The following SFXN4 variants were observed in gnomAD, a reference collection of about 807,000 sequenced individuals.
The protein encoded by SFXN4 is sideroflexin 4.
In SFXN4, 48 loss-of-function variants were observed where a neutral mutation model predicts 54.6. That is an observed-to-expected ratio of 0.88 (90% CI 0.70 to 1.12). SFXN4 has a LOEUF of 1.12. Ranked by LOEUF, SFXN4 falls within the 50% of genes most tolerant of loss-of-function variation. The pLI is 0.00. For missense variants in SFXN4, 383 were observed against 409.2 expected (o/e 0.94, Z 0.55); for synonymous variants, 130 against 145.5 (o/e 0.89, Z 0.77).
chr10:119,144,164 C>T (rs769626990), intron 13 of SFXN4, among the ~76,000 whole-genome samples: 6 of 152,230 alleles, frequency 3.9e-5, no homozygotes, highest in East Asian at 1.9e-4. Flanking sequence ...AGCCAAGAAA[C>T]TGCTAGTATC....
chr10:119,157,041 C>T (rs1322972222), intron 9 of SFXN4, among the ~76,000 whole-genome samples: 1 of 152,192 alleles, frequency 6.6e-6, no homozygotes, highest in Non-Finnish European at 1.5e-5. Context: ...AACATCTCCC[C>T]ATCTTTCACC....
At chr10:119,162,313 A>G (rs763581277) in intron 3 of SFXN4, 27 bp downstream of exon 3, 1 of 1,608,344 alleles carries the variant, frequency 6.2e-7, no homozygotes, top group Non-Finnish European at 8.5e-7. Context: ...GAGGGCAACC[A>G]GCCAGACCTG....
At chr10:119,145,311 ATTTTTTTT>A (rs1223685344) in intron 13 of SFXN4, among the ~76,000 whole-genome samples, 2 of 68,098 alleles carry the variant, frequency 2.9e-5, no homozygotes, top group Non-Finnish European at 7.0e-5. Context: ...TTTTCTTATG[ATTTTTTTT>A]TTTTTTTTTT....
At chr10:119,159,544 G>C (rs886385250) in intron 6 of SFXN4, among the ~76,000 whole-genome samples, 184 bp downstream of exon 6, 1 of 81,784 alleles carries the variant, frequency 1.2e-5, no homozygotes, top group South Asian at 5.0e-4. Flanking sequence ...GTGTGGGGAG[G>C]GGGAGGGAGT....
At chr10:119,147,511 A>T (rs1279180091) in intron 12 of SFXN4, among the ~76,000 whole-genome samples, 1 of 152,172 alleles carries the variant, frequency 6.6e-6, no homozygotes, top group Non-Finnish European at 1.5e-5. Flanking sequence ...GAGGTGAGGA[A>T]ATGGCCGTGG....
rs138770600 is a variant in SFXN4, at chr10:119,153,999, G to A, written c.732+1063C>T. 5.5e-3 allele frequency among the ~76,000 whole-genome samples: 841 copies of A among 152,182 alleles called. 8 individuals are homozygous for A. The highest frequency in any genetic ancestry group is 0.02 in the African/African-American group (812 of 41,524). ...TTGAGACCAGCCTGGCCAATACGGT[G>A]AAACCCCACCTCTACTAAAAATACA... On this transcript the variant is annotated intron_variant, in intron 11 of 13. Coordinates refer to ENST00000355697, the MANE Select transcript of SFXN4 (RefSeq NM_213649.2).
At position 119,146,296 on chromosome 10, in the gene SFXN4, A is replaced by C; in HGVS notation, c.876T>G (p.Thr292=). Residue 292 remains threonine, a synonymous_variant, in exon 13 of 14, where the codon ACT becomes ACG. Coordinates refer to ENST00000355697, the MANE Select transcript of SFXN4 (RefSeq NM_213649.2). ...GSLWILKLSC[T]VLAMGLMVPF... ...GCACCATCAGTCCCATTGCCAGGAC[A>C]GTACAAGACAGTTTCAAAATCCACA... The C allele has an allele frequency of 6.2e-7, 1 of 1,613,904 alleles. No homozygotes were observed. Among genetic ancestry groups the C allele is most frequent in the Non-Finnish European group, 8.5e-7 (1 of 1,179,836 alleles).
Position 119,156,666 on chromosome 10 carries a change from C to T in SFXN4, c.616+12G>A. The T allele has an allele frequency of 6.2e-7, 1 of 1,602,884 alleles. No individual in the cohort carries two copies. Among genetic ancestry groups the T allele is most frequent in the Non-Finnish European group, 8.5e-7 (1 of 1,172,852 alleles). On this transcript the variant is annotated intron_variant, in intron 10 of 13. Transcript: ENST00000355697. ...CCCACCCAGACTGCAGCCTCCAGCC[C>T]TTCCTGCTCACCGAGGAAGATCACA...
rs1006035541 is a variant in SFXN4, at chr10:119,140,967, A to C, written c.*275T>G. On this transcript the variant is annotated 3_prime_UTR_variant, in exon 14 of 14. Transcript: ENST00000355697. Reference sequence around the variant, plus strand: ...GGTTTATTAGTTAATTAGTGATTTCACAGTATCCTTTCGCAGGCCGATCCC... The same window carrying C: ...GGTTTATTAGTTAATTAGTGATTTCCCAGTATCCTTTCGCAGGCCGATCCC... The C allele has an allele frequency of 8.7e-6, 3 of 345,818 alleles. No individual in the cohort carries two copies. The highest frequency in any genetic ancestry group is 1.6e-5 in the Non-Finnish European group (3 of 189,696). The allele number at this position is 345,818 out of a possible 1,614,324, so 21.4% of individuals were successfully genotyped here.
intron 1 of SFXN4, among the ~76,000 whole-genome samples, chr10:119,164,798 A>G (rs1847701390): frequency 6.6e-6 from 1 of 151,684 alleles, no homozygotes; most frequent in African/African-American, 2.4e-5. Flanking sequence ...GCTGGACCCC[A>G]CTTTAGGAGA....
intron 12 of SFXN4, among the ~76,000 whole-genome samples, chr10:119,147,283 G>C (rs971673545): frequency 1.1e-4 from 16 of 152,336 alleles, no homozygotes; most frequent in African/African-American, 3.6e-4. Flanking sequence ...TGCAGGTTAG[G>C]TTTCTCATAC....
At chr10:119,152,031 C>T (rs1037757070) in intron 11 of SFXN4, among the ~76,000 whole-genome samples, 1 of 151,932 alleles carries the variant, frequency 6.6e-6, no homozygotes, top group Non-Finnish European at 1.5e-5. Context: ...GCTGCCCAGG[C>T]TGGTCTCGCA....
intron 12 of SFXN4, 73 bp from the exon 13 acceptor site, chr10:119,146,426 G>GGC (rs1300721996): frequency 3.6e-5 from 25 of 700,374 alleles, no homozygotes; most frequent in Non-Finnish European, 4.7e-5. Context: ...GCTGAATCAG[G>GGC]GCGTGTGTGT....
At chr10:119,147,337 C>T (rs1456138960) in intron 12 of SFXN4, among the ~76,000 whole-genome samples, 2 of 152,200 alleles carry the variant, frequency 1.3e-5, no homozygotes, top group Non-Finnish European at 2.9e-5. Flanking sequence ...TCCTCCGCCT[C>T]GTAGGCCATT....
intron 11 of SFXN4, among the ~76,000 whole-genome samples, chr10:119,152,992 C>CA (rs1385804768): frequency 6.6e-6 from 1 of 151,870 alleles, no homozygotes; most frequent in Non-Finnish European, 1.5e-5. Flanking sequence ...TCACAGGGAC[C>CA]AAAAAAGATC....
At position 119,144,435 on chromosome 10, in the gene SFXN4, T is replaced by C. The variant is rs187079350; in HGVS notation, c.936+1801A>G. Among the ~76,000 whole-genome samples the C allele has an allele frequency of 1.1e-4, 17 of 151,340 alleles. No individual in the cohort carries two copies. In the East Asian group the frequency reaches 2.9e-3, roughly 26 times the overall value. On this transcript the variant is annotated intron_variant, in intron 13 of 13. Coordinates refer to ENST00000355697, the MANE Select transcript of SFXN4 (RefSeq NM_213649.2). ...TTGCGCCACTGCACTCCAGCCTGGG[T>C]GACAGAACGAGACTCCGTCTCAAAA...
At chr10:119,165,180 CA>C in intron 1 of SFXN4, 1 of 1,041,094 alleles carries the variant, frequency 9.6e-7, no homozygotes, top group African/African-American at 1.7e-5. Context: ...TCGGGGGTCT[CA>C]CCGAAAGTGG....
At chr10:119,163,699 G>A (rs769761607) in intron 2 of SFXN4, among the ~76,000 whole-genome samples, 6 of 151,754 alleles carry the variant, frequency 4.0e-5, no homozygotes, top group East Asian at 3.9e-4. Context: ...CACGGCACAC[G>A]GTCAGATGTA....
At chr10:119,156,529 T>C in intron 10 of SFXN4, 149 bp downstream of exon 10, 2 of 670,174 alleles carry the variant, frequency 3.0e-6, no homozygotes, top group East Asian at 2.7e-5. Context: ...AAAGACCTGA[T>C]TTGGGCTTGG....
Sources: gnomAD v4.1 joint callset for allele counts (sites outside exome capture counted in the v4.1 genomes callset) on GRCh38, gnomAD v4.1.1 for gene constraint, MANE v1.5 for transcripts, NCBI Gene and HGNC (gene_info 2026-07-23, HGNC 2026-07-21) for gene names.